The following CNKSR2 variants were observed in gnomAD, a reference collection of about 807,000 sequenced individuals.
The protein encoded by CNKSR2 is connector enhancer of kinase suppressor of Ras 2.
A neutral mutation model predicts 84.4 loss-of-function variants in CNKSR2; 14 were observed. The observed-to-expected ratio is 0.17, with a 90% CI of 0.11 to 0.26. The LOEUF (loss-of-function observed/expected upper bound fraction) is 0.26. CNKSR2 is among the 10% of genes least tolerant of loss of function. The probability of loss-of-function intolerance (pLI) is 1.00; values close to 1 mark genes in which losing one functional copy is unlikely to be tolerated. For synonymous variants in CNKSR2, 275 were observed against 277.9 expected (o/e 0.99, Z 0.10); for missense variants, 485 against 771.2 (o/e 0.63, Z 4.40).
In CNKSR2 at chrX:21,653,888, A is replaced by G. The variant is rs1278240660; in HGVS notation, c.*1367A>G. 9.0e-6 allele frequency: 1 copy of G among 111,663 alleles called. No individual in the cohort carries two copies. The highest frequency in any genetic ancestry group is 1.9e-5 in the Non-Finnish European group (1 of 53,156). 9.2% of individuals were successfully genotyped at this position (111,663 alleles called of 1,213,427 possible). Reference sequence around the variant, plus strand: ...ATTCTATATCCTAAAATCTACTTCTAATCAGCTTTATACTGTTGCCTGTAC... The same window carrying G: ...ATTCTATATCCTAAAATCTACTTCTGATCAGCTTTATACTGTTGCCTGTAC... On this transcript the variant is annotated 3_prime_UTR_variant, in exon 22 of 22. Transcript: ENST00000379510.
At chrX:21,532,269 TAAGA>T (rs2091892983) in intron 11 of CNKSR2, 2 of 294,831 alleles carry the variant, frequency 6.8e-6, no homozygotes, top group African/African-American at 5.5e-5. Flanking sequence ...TTTCAAAAGA[TAAGA>T]AAGAACAGTA....
At chrX:21,583,246 GTTTT>G (rs764295558) in intron 13 of CNKSR2, among the ~76,000 whole-genome samples, 1 of 111,422 alleles carries the variant, frequency 9.0e-6, no homozygotes, top group Non-Finnish European at 1.9e-5. Context: ...TTGACTCCAA[GTTTT>G]TCTTTCATGC....
At chrX:21,632,798 A>G (rs934123021) in intron 20 of CNKSR2, among the ~76,000 whole-genome samples, 1 of 111,431 alleles carries the variant, frequency 9.0e-6, no homozygotes, top group Non-Finnish European at 1.9e-5. Flanking sequence ...CCTTGATCAT[A>G]AGTATGCATG....
At chrX:21,464,166 A>T (rs868748599) in intron 4 of CNKSR2, among the ~76,000 whole-genome samples, 1 of 112,338 alleles carries the variant, frequency 8.9e-6, no homozygotes, top group Non-Finnish European at 1.9e-5. Context: ...CCCTCTGGTT[A>T]GGACTCGTTT....
chrX:21,635,084 A>G (rs1474446337), intron 20 of CNKSR2, among the ~76,000 whole-genome samples: 3 of 108,392 alleles, frequency 2.8e-5, no homozygotes, highest in Non-Finnish European at 5.7e-5. Flanking sequence ...GTGAAATGTT[A>G]AATTCTTTTC....
intron 6 of CNKSR2, among the ~76,000 whole-genome samples, chrX:21,496,759 A>G (rs1168815738): frequency 9.0e-6 from 1 of 111,318 alleles, no homozygotes; most frequent in African/African-American, 3.3e-5. Flanking sequence ...CTGAAATGGT[A>G]TTGTTGGTTG....
At chrX:21,627,122 C>T (rs773546622) in intron 20 of CNKSR2, among the ~76,000 whole-genome samples, 8 of 111,650 alleles carry the variant, frequency 7.2e-5, no homozygotes, top group Non-Finnish European at 1.3e-4. Flanking sequence ...GACTCTTTTA[C>T]GTTTGCATCT....
At chrX:21,445,199 C>G (rs1316586186) in intron 4 of CNKSR2, among the ~76,000 whole-genome samples, 5 of 111,282 alleles carry the variant, frequency 4.5e-5, no homozygotes, top group Admixed American at 9.6e-5. Context: ...TGGGACATTT[C>G]AGACCAAAAA....
In CNKSR2 at chrX:21,407,769, G is replaced by C. The variant is rs1005778812; in HGVS notation, c.65-18728G>C. ...TAAGTAAAGTGTATAAAACGTAACA[G>C]GAACTTAAAGTTTCCTTTATCATTA... is the stretch of plus-strand genomic sequence containing the variant. On this transcript the variant is annotated intron_variant, in intron 1 of 21. Coordinates refer to ENST00000379510, the MANE Select transcript of CNKSR2 (RefSeq NM_014927.5). Among the ~76,000 whole-genome samples the C allele has an allele frequency of 1.3e-4, 14 of 111,556 alleles. 1 individual carries two copies. The highest frequency in any genetic ancestry group is 1.2e-3 in the Admixed American group (13 of 10,461).
Position 21,419,206 on chromosome X carries a change from A to G in CNKSR2, c.65-7291A>G, listed in dbSNP as rs190321270. 1.4e-4 allele frequency among the ~76,000 whole-genome samples: 16 copies of G among 110,426 alleles called. No individual in the cohort carries two copies. In the South Asian group the frequency reaches 1.9e-3, roughly 13 times the overall value. ...CTCTGATGCATTTTTCAGTATGACAATTGCATTTTTCAGCTCCAGTATTTC... is the reference window on the plus strand; with the variant it reads ...CTCTGATGCATTTTTCAGTATGACAGTTGCATTTTTCAGCTCCAGTATTTC... On this transcript the variant is annotated intron_variant, in intron 1 of 21. Transcript: ENST00000379510.
At chrX:21,575,258 A>T (rs753832148) in intron 13 of CNKSR2, among the ~76,000 whole-genome samples, 2 of 111,309 alleles carry the variant, frequency 1.8e-5, no homozygotes, top group Admixed American at 9.6e-5. Flanking sequence ...AAATTAGTTC[A>T]CTTGTACTTC....
At chrX:21,525,390 T>C (rs1381478009) in intron 9 of CNKSR2, among the ~76,000 whole-genome samples, 1 of 111,298 alleles carries the variant, frequency 9.0e-6, no homozygotes, top group Non-Finnish European at 1.9e-5. Context: ...AATTCTTCAA[T>C]TAACATGTAA....
chrX:21,540,985 GTTGT>G (rs991743795), intron 11 of CNKSR2, among the ~76,000 whole-genome samples: 1 of 109,067 alleles, frequency 9.2e-6, no homozygotes, highest in Non-Finnish European at 1.9e-5. Context: ...AAAATATCTG[GTTGT>G]TTTTTTTTTT....
intron 11 of CNKSR2, among the ~76,000 whole-genome samples, chrX:21,541,789 C>G (rs1339187304): frequency 9.0e-6 from 1 of 111,678 alleles, no homozygotes; most frequent in African/African-American, 3.3e-5. Context: ...GATGAGAAAT[C>G]TAAAAAACAG....
At chrX:21,390,988 T>C (rs2146965567) in intron 1 of CNKSR2, among the ~76,000 whole-genome samples, 1 of 111,785 alleles carries the variant, frequency 8.9e-6, no homozygotes, top group African/African-American at 3.2e-5. Context: ...GGGCGGTCAT[T>C]AAATCTTATA....
intron 5 of CNKSR2, among the ~76,000 whole-genome samples, chrX:21,488,939 C>G (rs765618125): frequency 9.0e-6 from 1 of 111,381 alleles, no homozygotes; most frequent in Non-Finnish European, 1.9e-5. Flanking sequence ...AGTCATTCCT[C>G]TGAGGCTCAC....
At chrX:21,469,108 A>G (rs368880553) in intron 4 of CNKSR2, among the ~76,000 whole-genome samples, 2 of 112,294 alleles carry the variant, frequency 1.8e-5, no homozygotes, top group East Asian at 5.6e-4. Context: ...CATTCAGATC[A>G]TGTTTACTTT....
rs865938017 is a variant in CNKSR2 at position 21,374,612 on chromosome X, A to C, written c.-286A>C. 6 of 501,429 alleles carry C rather than the reference A, an allele frequency of 1.2e-5. No individual in the cohort carries two copies. The highest frequency in any genetic ancestry group is 2.8e-5 in the Admixed American group (1 of 36,032). The allele number at this position is 501,429 out of a possible 1,213,427, so 41.3% of individuals were successfully genotyped here. On this transcript the variant is annotated 5_prime_UTR_variant, in exon 1 of 22. Transcript: ENST00000379510. ...CGGCGGAGGCAGCAGCAGCAGCAGC[A>C]GCAGCAGCAGCAGCAGCAGCCGCCG...
intron 1 of CNKSR2, among the ~76,000 whole-genome samples, chrX:21,397,387 TTAAG>T (rs2090134919): frequency 8.9e-6 from 1 of 111,902 alleles, no homozygotes; most frequent in Admixed American, 9.5e-5. Flanking sequence ...TCTATATTAT[TTAAG>T]TAACCTCATT....
Sources: gnomAD v4.1 joint callset for allele counts (sites outside exome capture counted in the v4.1 genomes callset) on GRCh38, gnomAD v4.1.1 for gene constraint, MANE v1.5 for transcripts, NCBI Gene and HGNC (gene_info 2026-07-23, HGNC 2026-07-21) for gene names.